SEPTIN11: variants seen among roughly 807,000 people sequenced by gnomAD.
The protein encoded by SEPTIN11 is septin 11, also known as septin-11.
A neutral mutation model predicts 51.4 loss-of-function variants in SEPTIN11; 25 were observed. That is an observed-to-expected ratio of 0.49 (90% CI 0.35 to 0.68). The LOEUF (loss-of-function observed/expected upper bound fraction) is 0.68, where lower values mean the gene tolerates loss of function less well. Ranked by LOEUF, SEPTIN11 falls within the 30% of genes least tolerant of loss-of-function variation. The pLI, the probability that SEPTIN11 is intolerant of heterozygous loss-of-function variation, is 0.00. For missense variants in SEPTIN11, 381 were observed against 520.8 expected, an observed-to-expected ratio of 0.73 and a Z score of 2.61; for synonymous variants, 174 against 184.1, an observed-to-expected ratio of 0.95 and a Z score of 0.44.
Position 76,949,834 on chromosome 4 carries a change from C to T in SEPTIN11, c.-70C>T. The T allele has an allele frequency of 2.7e-6, 4 of 1,481,160 alleles. No homozygotes were observed. Among genetic ancestry groups the T allele is most frequent in the Non-Finnish European group, 3.6e-6 (4 of 1,110,970 alleles). The allele number at this position is 1,481,160 out of a possible 1,614,324, so 91.8% of individuals were successfully genotyped here. ...AGGCGCGAGGGAGGCGAGCCGGAGCCCGAGCACTAGCAGCAGCCGGAGTCG... is the reference window on the plus strand; with the variant it reads ...AGGCGCGAGGGAGGCGAGCCGGAGCTCGAGCACTAGCAGCAGCCGGAGTCG... On this transcript the variant is annotated 5_prime_UTR_variant, in exon 1 of 10. Coordinates refer to ENST00000264893, the MANE Select transcript of SEPTIN11 (RefSeq NM_018243.4).
chr4:77,002,034 C>T (rs1427366874), intron 2 of SEPTIN11, among the ~76,000 whole-genome samples: 1 of 152,142 alleles, frequency 6.6e-6, no homozygotes, highest in Admixed American at 6.5e-5. Context: ...TCCTTTTATT[C>T]CAAAAGCTGT....
chr4:76,965,824 G>A (rs1722013629), intron 1 of SEPTIN11, among the ~76,000 whole-genome samples: 2 of 151,428 alleles, frequency 1.3e-5, no homozygotes, highest in Admixed American at 6.6e-5. Context: ...CCCTATACAC[G>A]GTATCTTAGG....
chr4:76,961,628 A>G (rs1721828186), intron 1 of SEPTIN11, among the ~76,000 whole-genome samples: 1 of 152,238 alleles, frequency 6.6e-6, no homozygotes, highest in Non-Finnish European at 1.5e-5. Flanking sequence ...CGGTTGTGCA[A>G]AATCATCTAA....
At chr4:77,034,381 A>T in intron 9 of SEPTIN11, 116 bp from the exon 10 acceptor site, 1 of 922,706 alleles carries the variant, frequency 1.1e-6, no homozygotes, top group Non-Finnish European at 1.5e-6. Flanking sequence ...TGTCAATTCC[A>T]TAATCATTGC....
chr4:76,959,044 A>G, intron 1 of SEPTIN11: 1 of 720,814 alleles, frequency 1.4e-6, no homozygotes, highest in Non-Finnish European at 2.6e-6. Context: ...CAGAGAGGGA[A>G]TGAAAGAAAG....
intron 4 of SEPTIN11, 125 bp from the exon 5 acceptor site, chr4:77,014,731 A>G (rs1052016802): frequency 7.0e-5 from 64 of 916,030 alleles, no homozygotes; most frequent in Non-Finnish European, 9.5e-5. Flanking sequence ...GTTTTGATAT[A>G]AGTAGGAAAC....
At chr4:77,017,396 T>C (rs1725379103) in intron 5 of SEPTIN11, among the ~76,000 whole-genome samples, 1 of 152,202 alleles carries the variant, frequency 6.6e-6, no homozygotes, top group Non-Finnish European at 1.5e-5. Context: ...GGAAAACAGA[T>C]TCCACTGGCA....
At chr4:77,003,303 C>T (rs774822757) in intron 2 of SEPTIN11, among the ~76,000 whole-genome samples, 3 of 152,050 alleles carry the variant, frequency 2.0e-5, no homozygotes, top group Non-Finnish European at 4.4e-5. Flanking sequence ...ACTAGCAGGG[C>T]CATGGATGTA....
In SEPTIN11 at chr4:77,037,712, T is replaced by G; in HGVS notation, c.*3200T>G. ...CTGAACTTTAGATCTCCATAACACA[T>G]GTACTGTAGAATGTGATGGAAAAGC... On this transcript the variant is annotated 3_prime_UTR_variant, in exon 10 of 10. Transcript: ENST00000264893. The G allele has an allele frequency of 1.0e-6, 1 of 985,820 alleles. No homozygotes were observed. The highest frequency in any genetic ancestry group is 1.2e-6 in the Non-Finnish European group (1 of 829,902). 61.1% of individuals were successfully genotyped at this position (985,820 alleles called of 1,614,324 possible). A position where few individuals can be genotyped will look rare whatever the true frequency, so the allele number is the denominator to read the frequency against.
intron 5 of SEPTIN11, among the ~76,000 whole-genome samples, chr4:77,016,638 A>ATATATATATATATATATATG (rs1248317853): frequency 3.1e-5 from 3 of 97,844 alleles, no homozygotes; most frequent in Non-Finnish European, 6.5e-5. Context: ...ATACACATAT[A>ATATATATATATATATATATG]TATATATATA....
intron 1 of SEPTIN11, chr4:76,958,969 C>T (rs1721684185): frequency 1.4e-5 from 13 of 957,802 alleles, no homozygotes; most frequent in Middle Eastern, 3.3e-4. Flanking sequence ...TGACTTCATA[C>T]TCTAAAGCAA....
Position 76,949,767 on chromosome 4 carries a change from G to C in SEPTIN11, c.-137G>C. 1 of 892,496 alleles carries C rather than the reference G, an allele frequency of 1.1e-6. No individual in the cohort carries two copies. The highest frequency in any genetic ancestry group is 3.0e-5 in the Admixed American group (1 of 32,806). The allele number at this position is 892,496 out of a possible 1,614,324, so 55.3% of individuals were successfully genotyped here. On this transcript the variant is annotated 5_prime_UTR_variant, in exon 1 of 10. Coordinates refer to ENST00000264893, the MANE Select transcript of SEPTIN11 (RefSeq NM_018243.4). The stretch of plus-strand genomic sequence containing the variant: ...GGCGTGGGGGGAGCAGATGCCGCTG[G>C]CTGCCAGCGGGACGCCGGCGAGCAG...
Position 77,036,942 on chromosome 4 carries a change from A to G in SEPTIN11, c.*2430A>G, listed in dbSNP as rs1727074005. The stretch of plus-strand genomic sequence containing the variant: ...TTTTTTCTTTTCAAGGGGGGCAGGA[A>G]GGTAATGGTTTGAGTAGCCTTTGTT... On this transcript the variant is annotated 3_prime_UTR_variant, in exon 10 of 10. Transcript: ENST00000264893. 6.0e-6 allele frequency: 8 copies of G among 1,323,928 alleles called. No homozygotes were observed. The South Asian group carries it at 1.8e-4, about 30-fold the overall frequency. 82.0% of individuals were successfully genotyped at this position (1,323,928 alleles called of 1,614,324 possible).
chr4:77,023,054 G>A (rs1245020270), intron 7 of SEPTIN11, among the ~76,000 whole-genome samples: 1 of 152,114 alleles, frequency 6.6e-6, no homozygotes, highest in Non-Finnish European at 1.5e-5. Context: ...GGAGGAGGTG[G>A]AGCTGGGTAG....
downstream of SEPTIN11, chr4:77,038,669 T>C: frequency 9.8e-7 from 1 of 1,020,722 alleles, no homozygotes; most frequent in Non-Finnish European, 1.2e-6. Context: ...TTTGCATATG[T>C]ACACGTGCTT....
chr4:76,995,719 T>A, intron 1 of SEPTIN11: 1 of 1,366,306 alleles, frequency 7.3e-7, no homozygotes, highest in East Asian at 2.6e-5. Context: ...CCAGTGATTT[T>A]ACTTTAGCTT....
chr4:77,027,102 C>T lies in SEPTIN11; in HGVS notation c.954-1527C>T, dbSNP rs113492049. ...AACTTACTTTTAATAAACTAATAAC[C>T]GTGTTAATTATTGAAGTATAAACCA... On this transcript the variant is annotated intron_variant, in intron 7 of 9. Transcript: ENST00000264893. 3.4e-3 allele frequency among the ~76,000 whole-genome samples: 514 copies of T among 152,166 alleles called. 2 individuals carry two copies. The highest frequency in any genetic ancestry group is 0.011 in the African/African-American group (477 of 41,532).
At position 77,014,841 on chromosome 4, in the gene SEPTIN11, G is replaced by C. The variant is rs770653471; in HGVS notation, c.526-15G>C. The C allele has an allele frequency of 4.3e-6, 7 of 1,611,298 alleles. No individual in the cohort carries two copies. Among genetic ancestry groups the C allele is most frequent in the Non-Finnish European group, 5.9e-6 (7 of 1,178,780 alleles). Reference sequence around the variant, plus strand: ...ATGTTGGAATTGTGTAAAAATGGACGTGTCTGTTTTACAGGTGAACATCAT... The same window carrying C: ...ATGTTGGAATTGTGTAAAAATGGACCTGTCTGTTTTACAGGTGAACATCAT... On this transcript the variant is annotated splice_polypyrimidine_tract_variant and intron_variant, in intron 4 of 9. Coordinates refer to ENST00000264893, the MANE Select transcript of SEPTIN11 (RefSeq NM_018243.4).
Position 77,024,040 on chromosome 4 carries a change from C to T in SEPTIN11, c.953+3370C>T, listed in dbSNP as rs780904970. On this transcript the variant is annotated intron_variant, in intron 7 of 9. Coordinates refer to ENST00000264893, the MANE Select transcript of SEPTIN11 (RefSeq NM_018243.4). This position sits in a 1 kb window ranked among gnomAD's most constrained non-coding sequence, Gnocchi z 4.2. The stretch of plus-strand genomic sequence containing the variant: ...CTCGTTCACCTTTTGTCCTCTGGGC[C>T]CCACTTGTGTTTACAGTACATGTTT... 2.0e-5 allele frequency among the ~76,000 whole-genome samples: 3 copies of T among 152,132 alleles called. No homozygotes were observed. Among genetic ancestry groups the T allele is most frequent in the Non-Finnish European group, 4.4e-5 (3 of 68,026 alleles).
Sources: gnomAD v4.1 joint callset for allele counts (sites outside exome capture counted in the v4.1 genomes callset) on GRCh38, gnomAD v4.1.1 for gene constraint, Gnocchi (gnomAD v3.1) non-coding constraint, MANE v1.5 for transcripts, NCBI Gene and HGNC (gene_info 2026-07-23, HGNC 2026-07-21) for gene names.